Variants in ST7 observed in about 807,000 individuals in gnomAD.
ST7 encodes suppression of tumorigenicity 7.
A neutral mutation model predicts 78.7 loss-of-function variants in ST7; 28 were observed. That is an observed-to-expected ratio of 0.36 (90% CI 0.26 to 0.49). The LOEUF is 0.49. ST7 is among the 20% of genes least tolerant of loss of function. The pLI, the probability that ST7 is intolerant of heterozygous loss-of-function variation, is 0.99. For missense variants in ST7, 418 were observed against 696.0 expected (o/e 0.60, Z 4.49); for synonymous variants, 247 against 249.6 (o/e 0.99, Z 0.10).
chr7:117,027,648 C>T (rs545169524), intron 1 of ST7, among the ~76,000 whole-genome samples: 9 of 152,068 alleles, frequency 5.9e-5, no homozygotes, highest in South Asian at 2.1e-4. Flanking sequence ...TTTGGGAGGC[C>T]GAGGCATGAG....
intron 1 of ST7, among the ~76,000 whole-genome samples, chr7:117,065,868 G>A (rs1051711290): frequency 1.3e-5 from 2 of 152,130 alleles, no homozygotes; most frequent in Admixed American, 6.5e-5. Context: ...GACCCAGCAC[G>A]TTCTGGCTCC....
At chr7:117,010,212 T>C (rs1324925245) in intron 1 of ST7, among the ~76,000 whole-genome samples, 3 of 152,218 alleles carry the variant, frequency 2.0e-5, no homozygotes, top group Non-Finnish European at 4.4e-5. Flanking sequence ...GGTCATGATA[T>C]TGAGTTGAGT....
At chr7:117,198,522 T>C (rs1810520665) in intron 12 of ST7, 1 of 301,150 alleles carries the variant, frequency 3.3e-6, no homozygotes, top group Non-Finnish European at 6.6e-6. Flanking sequence ...TCAGGGATTC[T>C]GCAGCTTGTA....
At chr7:117,047,095 T>C (rs1797531079) in intron 1 of ST7, among the ~76,000 whole-genome samples, 1 of 152,152 alleles carries the variant, frequency 6.6e-6, no homozygotes, top group African/African-American at 2.4e-5. Context: ...TGGATCTAAA[T>C]TGCATTGGAT....
At chr7:117,026,937 C>T (rs1796213592) in intron 1 of ST7, among the ~76,000 whole-genome samples, 1 of 152,146 alleles carries the variant, frequency 6.6e-6, no homozygotes, top group African/African-American at 2.4e-5. Context: ...CTGTATGAAA[C>T]TAATGAAATG....
intron 7 of ST7, among the ~76,000 whole-genome samples, chr7:117,134,686 C>T (rs940825485): frequency 2.6e-5 from 4 of 152,034 alleles, no homozygotes; most frequent in African/African-American, 7.2e-5. Flanking sequence ...GCATCTGAAG[C>T]CTTAAGCATT....
At chr7:117,081,271 C>G (rs555512300) in intron 1 of ST7, among the ~76,000 whole-genome samples, 1 of 152,032 alleles carries the variant, frequency 6.6e-6, no homozygotes, top group South Asian at 2.1e-4. Context: ...CTAACATGGC[C>G]CTAAGAACTT....
At chr7:117,055,821 G>A (rs1798034211) in intron 1 of ST7, among the ~76,000 whole-genome samples, 1 of 152,154 alleles carries the variant, frequency 6.6e-6, no homozygotes, top group Non-Finnish European at 1.5e-5. Flanking sequence ...TCCCTAGAGG[G>A]ACAGAACTAA....
intron 1 of ST7, among the ~76,000 whole-genome samples, chr7:117,041,368 A>G (rs1219160936): frequency 2.6e-5 from 4 of 152,184 alleles, no homozygotes; most frequent in Admixed American, 1.3e-4. Context: ...CCAAAAAACC[A>G]TGTTACAGTC....
At chr7:117,092,475 A>G (rs1037016512) in intron 1 of ST7, among the ~76,000 whole-genome samples, 3 of 152,146 alleles carry the variant, frequency 2.0e-5, no homozygotes, top group African/African-American at 7.2e-5. Flanking sequence ...GCAGGAGTGT[A>G]AACTAAGCCA....
At chr7:117,138,601 T>C in intron 9 of ST7, 69 bp downstream of exon 9, 1 of 1,117,084 alleles carries the variant, frequency 9.0e-7, no homozygotes. Context: ...GCCATAGCAG[T>C]CTGTACCAGT....
At chr7:117,210,333 G>A (rs1461356490) in intron 13 of ST7, among the ~76,000 whole-genome samples, 1 of 152,194 alleles carries the variant, frequency 6.6e-6, no homozygotes, top group Admixed American at 6.5e-5. Flanking sequence ...GGTTGGCTAA[G>A]AGCCACAGTT....
intron 14 of ST7, 126 bp from the exon 15 acceptor site, chr7:117,221,797 T>C (rs1239621380): frequency 1.9e-5 from 21 of 1,103,164 alleles, no homozygotes; most frequent in Non-Finnish European, 2.4e-5. Context: ...TCAGGTGTGC[T>C]ATTTTTTCAT....
chr7:116,954,881 C>A, intron 1 of ST7: 1 of 308,008 alleles, frequency 3.2e-6, no homozygotes, highest in Non-Finnish European at 6.4e-6. Context: ...ATAATGTACT[C>A]ATTTTGTTAG....
intron 3 of ST7, among the ~76,000 whole-genome samples, chr7:117,123,280 G>C (rs556009377): frequency 3.2e-4 from 48 of 152,070 alleles, no homozygotes; most frequent in Non-Finnish European, 6.5e-4. Context: ...AATTTGTTTT[G>C]AATAAAAGCT....
chr7:117,127,987 G>A (rs1803998137), intron 3 of ST7, among the ~76,000 whole-genome samples: 1 of 151,878 alleles, frequency 6.6e-6, no homozygotes, highest in African/African-American at 2.4e-5. Flanking sequence ...CAGGTAGTAT[G>A]ATGATGTATT....
intron 1 of ST7, among the ~76,000 whole-genome samples, chr7:117,058,899 G>C (rs1436373722): frequency 1.3e-5 from 2 of 152,182 alleles, no homozygotes; most frequent in Non-Finnish European, 2.9e-5. Flanking sequence ...GCAACAACAT[G>C]GATGGAACTG....
At chr7:117,052,754 C>T (rs936215198) in intron 1 of ST7, among the ~76,000 whole-genome samples, 2 of 152,156 alleles carry the variant, frequency 1.3e-5, no homozygotes, top group African/African-American at 2.4e-5. Flanking sequence ...ATTAGCTGGG[C>T]GTGGTGGCGG....
chr7:117,077,882 G>C (rs1799471603), intron 1 of ST7, among the ~76,000 whole-genome samples: 1 of 131,058 alleles, frequency 7.6e-6, no homozygotes, highest in South Asian at 2.4e-4. Context: ...GTCTTGCTCT[G>C]TCCCCCAGGC....
Sources: allele counts gnomAD v4.1 joint callset (sites outside exome capture counted in the v4.1 genomes callset), GRCh38; gene constraint gnomAD v4.1.1; transcripts MANE v1.5; gene names NCBI Gene and HGNC (gene_info 2026-07-23, HGNC 2026-07-21).